The following PPARGC1A variants were observed in gnomAD, a reference collection of about 807,000 sequenced individuals.
PPARGC1A encodes the protein peroxisome proliferator-activated receptor gamma coactivator 1-alpha.
PPARGC1A carries 25 observed loss-of-function variants against 88.7 expected under a neutral mutation model. That is an observed-to-expected ratio of 0.28 (90% CI 0.21 to 0.39). PPARGC1A has a LOEUF of 0.39. PPARGC1A is among the 10% of genes least tolerant of loss of function. PPARGC1A has a pLI of 1.00. For missense variants in PPARGC1A, 880 were observed against 968.7 expected (o/e 0.91, Z 1.22); for synonymous variants, 363 against 355.6 (o/e 1.02, Z -0.24).
chr4:24,049,465 T>C, the PPARGC1A span, among the ~76,000 whole-genome samples: 1 of 151,466 alleles, frequency 6.6e-6, no homozygotes, highest in Non-Finnish European at 1.5e-5. Context: ...AATACACTCC[T>C]GGGGTGAATT....
At chr4:24,049,599 C>G in the PPARGC1A span, among the ~76,000 whole-genome samples, 1 of 151,820 alleles carries the variant, frequency 6.6e-6, no homozygotes, top group Admixed American at 6.6e-5. Flanking sequence ...ACTTCCTGGG[C>G]CTTTGTGGGA....
At chr4:24,066,561 A>G in the PPARGC1A span, among the ~76,000 whole-genome samples, 2 of 152,148 alleles carry the variant, frequency 1.3e-5, no homozygotes, top group Non-Finnish European at 2.9e-5. Flanking sequence ...TTTCTCCGTC[A>G]GTGAGAGGAC....
At chr4:24,214,641 C>T in the PPARGC1A span, among the ~76,000 whole-genome samples, 1 of 152,102 alleles carries the variant, frequency 6.6e-6, no homozygotes, top group Non-Finnish European at 1.5e-5. Context: ...TAGAGTGTGC[C>T]GCCTTCAGTC....
chr4:24,467,541 A>G, the PPARGC1A span, among the ~76,000 whole-genome samples: 2 of 152,154 alleles, frequency 1.3e-5, no homozygotes. Context: ...TGAAATGTCC[A>G]GAAAGAAAGA....
At chr4:24,094,636 T>C in the PPARGC1A span, among the ~76,000 whole-genome samples, 3 of 152,216 alleles carry the variant, frequency 2.0e-5, no homozygotes, top group African/African-American at 7.2e-5. Context: ...AGGAAATTAA[T>C]GAAAGCAAAG....
the PPARGC1A span, among the ~76,000 whole-genome samples, chr4:24,326,838 C>G: frequency 5.9e-5 from 9 of 152,164 alleles, no homozygotes; most frequent in Non-Finnish European, 1.0e-4. Flanking sequence ...TTAGCCTAGC[C>G]CTCATGTCTG....
the PPARGC1A span, among the ~76,000 whole-genome samples, chr4:24,240,299 A>C: frequency 6.6e-6 from 1 of 152,154 alleles, no homozygotes; most frequent in Non-Finnish European, 1.5e-5. Context: ...GGAGGACTTG[A>C]ATGCTTACTT....
chr4:24,460,340 A>T, the PPARGC1A span, among the ~76,000 whole-genome samples: 3 of 152,178 alleles, frequency 2.0e-5, no homozygotes, highest in African/African-American at 7.2e-5. Context: ...CATAATGATA[A>T]TGACTAAGAG....
the PPARGC1A span, among the ~76,000 whole-genome samples, chr4:24,100,499 G>T: frequency 6.6e-6 from 1 of 152,142 alleles, no homozygotes; most frequent in Non-Finnish European, 1.5e-5. Context: ...TTCGACATAC[G>T]TGGCTATTCC....
At chr4:24,128,227 C>T in the PPARGC1A span, among the ~76,000 whole-genome samples, 1 of 152,154 alleles carries the variant, frequency 6.6e-6, no homozygotes, top group Non-Finnish European at 1.5e-5. Flanking sequence ...CACTCACCAG[C>T]TCTGGGCCAA....
the PPARGC1A span, among the ~76,000 whole-genome samples, chr4:24,464,358 C>T: frequency 6.6e-6 from 1 of 152,212 alleles, no homozygotes; most frequent in African/African-American, 2.4e-5. Context: ...GCAAATTATA[C>T]ATTATAATTC....
At chr4:24,200,540 AAC>A in the PPARGC1A span, among the ~76,000 whole-genome samples, 1 of 151,484 alleles carries the variant, frequency 6.6e-6, no homozygotes, top group Non-Finnish European at 1.5e-5. Flanking sequence ...AAATTATAAA[AAC>A]ACATGTAGCT....
At chr4:24,283,637 C>G in the PPARGC1A span, among the ~76,000 whole-genome samples, 3 of 152,156 alleles carry the variant, frequency 2.0e-5, no homozygotes, top group Admixed American at 6.5e-5. Context: ...CCTGCATCAT[C>G]TCAGTGAGTC....
the PPARGC1A span, among the ~76,000 whole-genome samples, chr4:24,175,893 A>G: frequency 6.6e-6 from 1 of 152,102 alleles, no homozygotes; most frequent in Non-Finnish European, 1.5e-5. Context: ...CGGGCAGCAC[A>G]TGGCATCCTC....
At chr4:24,169,758 A>G in the PPARGC1A span, among the ~76,000 whole-genome samples, 1 of 152,064 alleles carries the variant, frequency 6.6e-6, no homozygotes, top group African/African-American at 2.4e-5. Flanking sequence ...AATCCCAGTT[A>G]CCTGGGAGGA....
At chr4:24,381,483 C>T in the PPARGC1A span, among the ~76,000 whole-genome samples, 10 of 152,194 alleles carry the variant, frequency 6.6e-5, no homozygotes, top group African/African-American at 2.4e-4. Flanking sequence ...CATTGTTTTT[C>T]ACCTAATAAA....
At chr4:24,076,859 TAAGTA>T in the PPARGC1A span, among the ~76,000 whole-genome samples, 1 of 152,200 alleles carries the variant, frequency 6.6e-6, no homozygotes, top group Non-Finnish European at 1.5e-5. Flanking sequence ...ATGTTCTTGT[TAAGTA>T]AATATTCAAC....
chr4:24,281,343 G>T, the PPARGC1A span, among the ~76,000 whole-genome samples: 1 of 152,224 alleles, frequency 6.6e-6, no homozygotes, highest in Admixed American at 6.5e-5. Flanking sequence ...TACATCTGGT[G>T]AGAGCCTCAG....
At chr4:23,806,249 A>T (rs957997010) in intron 10 of PPARGC1A, among the ~76,000 whole-genome samples, 1 of 152,218 alleles carries the variant, frequency 6.6e-6, no homozygotes, top group Non-Finnish European at 1.5e-5. Context: ...TACTGCTAAA[A>T]ATGAAAATAA....
Sources: allele counts gnomAD v4.1 joint callset (sites outside exome capture counted in the v4.1 genomes callset), GRCh38; gene constraint gnomAD v4.1.1; transcripts MANE v1.5; gene names NCBI Gene and HGNC (gene_info 2026-07-23, HGNC 2026-07-21).